Variants in DPP6 observed in about 807,000 individuals in gnomAD.
The protein encoded by DPP6 is dipeptidyl peptidase like 6, also known as A-type potassium channel modulatory protein DPP6.
In DPP6, 69 loss-of-function variants were observed where a neutral mutation model predicts 122.6. The observed-to-expected ratio is 0.56, with a 90% CI of 0.46 to 0.69. DPP6 has a LOEUF of 0.69. Ranked by LOEUF, DPP6 falls within the 30% of genes least tolerant of loss-of-function variation. The probability of loss-of-function intolerance (pLI) is 0.00; values close to 1 mark genes in which losing one functional copy is unlikely to be tolerated. For synonymous variants in DPP6, 418 were observed against 433.1 expected (o/e 0.97, Z 0.43); for missense variants, 928 against 1,116.9 (o/e 0.83, Z 2.41).
At chr7:154,363,673 AAT>A (rs1811923227) in intron 1 of DPP6, among the ~76,000 whole-genome samples, 1 of 152,114 alleles carries the variant, frequency 6.6e-6, no homozygotes. Context: ...TTGTTTTGAA[AAT>A]GTCTATTTTT....
the DPP6 span, among the ~76,000 whole-genome samples, chr7:153,870,297 G>A: frequency 1.3e-5 from 2 of 152,190 alleles, no homozygotes; most frequent in Non-Finnish European, 1.5e-5. Context: ...CCAATCAGAT[G>A]TAGATTTGGT....
intron 1 of DPP6, among the ~76,000 whole-genome samples, chr7:154,208,188 C>T (rs1352728324): frequency 1.3e-5 from 2 of 152,304 alleles, no homozygotes; most frequent in South Asian, 4.1e-4. Context: ...GAAAGAGGCC[C>T]TGGAACTCTG....
intron 1 of DPP6, among the ~76,000 whole-genome samples, chr7:153,897,051 T>A (rs903335035): frequency 4.6e-5 from 7 of 152,178 alleles, no homozygotes; most frequent in Non-Finnish European, 7.3e-5. Flanking sequence ...TAACTTATAG[T>A]TGTAGAGAAC....
At chr7:154,368,320 T>TCCC (rs1288398520) in intron 1 of DPP6, among the ~76,000 whole-genome samples, 1 of 152,022 alleles carries the variant, frequency 6.6e-6, no homozygotes, top group African/African-American at 2.4e-5. Context: ...CAAAGTGTGC[T>TCCC]CCCCGGGGCA....
chr7:154,438,469 C>CA (rs58978160), intron 1 of DPP6, among the ~76,000 whole-genome samples: 2,232 of 37,418 alleles, frequency 0.06, 392 homozygotes, highest in South Asian at 0.1. Context: ...GACTCCAACT[C>CA]AAAAAAAAAA....
intron 5 of DPP6, among the ~76,000 whole-genome samples, chr7:154,613,795 T>C (rs891111900): frequency 1.3e-5 from 2 of 152,060 alleles, no homozygotes; most frequent in African/African-American, 4.8e-5. Flanking sequence ...GATAATAAAA[T>C]CTATTATTCC....
intron 7 of DPP6, among the ~76,000 whole-genome samples, chr7:154,691,013 TGTGGTTGTCAGGCGGAAAA>T (rs771300793): frequency 4.7e-4 from 71 of 152,340 alleles, no homozygotes; most frequent in Admixed American, 1.2e-3. Flanking sequence ...CAAAATACAC[TGTGGTTGTCAGGCGGAAAA>T]GGTTTCCCTC....
chr7:153,892,990 A>G (rs951825128), intron 1 of DPP6, among the ~76,000 whole-genome samples: 5 of 152,238 alleles, frequency 3.3e-5, no homozygotes, highest in Non-Finnish European at 5.9e-5. Flanking sequence ...GGTCTGTTTC[A>G]TAATCCTCCT....
chr7:154,305,942 G>A (rs1263615273), intron 1 of DPP6, among the ~76,000 whole-genome samples: 1 of 152,118 alleles, frequency 6.6e-6, no homozygotes, highest in East Asian at 1.9e-4. Flanking sequence ...TGTAACTTGG[G>A]GGAAGAGGGT....
chr7:154,387,002 C>A (rs931845974), intron 1 of DPP6, among the ~76,000 whole-genome samples: 1 of 152,002 alleles, frequency 6.6e-6, no homozygotes, highest in African/African-American at 2.4e-5. Context: ...AGGGGCTTTT[C>A]CAGAGTGAGG....
intron 1 of DPP6, among the ~76,000 whole-genome samples, chr7:153,941,802 G>T (rs1040455156): frequency 9.9e-5 from 15 of 152,148 alleles, no homozygotes; most frequent in African/African-American, 2.9e-4. Flanking sequence ...ATAATCAGAG[G>T]AGTTTTCAGA....
chr7:154,058,806 A>AGG (rs1801195984), intron 1 of DPP6: 1 of 149,076 alleles, frequency 6.7e-6, no homozygotes, highest in African/African-American at 2.5e-5. Flanking sequence ...ACCCCCCACG[A>AGG]CAGTGGGGAC....
intron 5 of DPP6, among the ~76,000 whole-genome samples, chr7:154,575,318 GTGT>G: frequency 1.5e-5 from 2 of 132,006 alleles, no homozygotes; most frequent in African/African-American, 2.9e-5. Context: ...TGTGTGTGGT[GTGT>G]GTATGTGTGT....
At chr7:154,531,086 A>G (rs1228181949) in intron 3 of DPP6, among the ~76,000 whole-genome samples, 4 of 152,136 alleles carry the variant, frequency 2.6e-5, no homozygotes, top group Non-Finnish European at 5.9e-5. Context: ...CTCTGCAGCA[A>G]ACCACCTTTA....
intron 1 of DPP6, among the ~76,000 whole-genome samples, chr7:154,444,667 A>G (rs1056409483): frequency 2.0e-5 from 3 of 152,198 alleles, no homozygotes; most frequent in Non-Finnish European, 2.9e-5. Context: ...GCTTGTATGA[A>G]TAGTACCACT....
intron 8 of DPP6, among the ~76,000 whole-genome samples, chr7:154,762,391 G>A (rs1017481162): frequency 1.3e-5 from 2 of 152,216 alleles, no homozygotes; most frequent in African/African-American, 4.8e-5. Flanking sequence ...ATTATACTGA[G>A]ACATCAGTGA....
intron 16 of DPP6, among the ~76,000 whole-genome samples, chr7:154,844,620 A>G (rs1276428404): frequency 6.6e-6 from 1 of 152,212 alleles, no homozygotes; most frequent in Non-Finnish European, 1.5e-5. Context: ...GTGGTCCTAC[A>G]GTTCACATAG....
chr7:154,608,889 A>C (rs1833739808), intron 5 of DPP6, among the ~76,000 whole-genome samples: 1 of 152,194 alleles, frequency 6.6e-6, no homozygotes, highest in African/African-American at 2.4e-5. Context: ...AAACTGCTTC[A>C]GTTCAGGTAG....
intron 1 of DPP6, among the ~76,000 whole-genome samples, chr7:153,933,696 C>G (rs75979471): frequency 1.4e-5 from 2 of 140,024 alleles, no homozygotes; most frequent in African/African-American, 5.2e-5. Flanking sequence ...CTCTCTCTCT[C>G]TCTCTCTCTC....
Sources: gnomAD v4.1 joint callset for allele counts (sites outside exome capture counted in the v4.1 genomes callset) on GRCh38, gnomAD v4.1.1 for gene constraint, MANE v1.5 for transcripts, NCBI Gene and HGNC (gene_info 2026-07-23, HGNC 2026-07-21) for gene names.